Variants in MYOM2 observed in about 807,000 individuals in gnomAD.
MYOM2 encodes the protein myomesin-2.
In MYOM2, 254 loss-of-function variants were observed where a neutral mutation model predicts 187.6. The observed-to-expected ratio is 1.35, with a 90% CI of 1.22 to 1.50. MYOM2 has a LOEUF of 1.50. Among genes scored for constraint, MYOM2 ranks in the 40% most tolerant of loss-of-function variants. MYOM2 has a pLI of 0.00. For synonymous variants in MYOM2, 981 were observed against 753.8 expected (o/e 1.30, Z -4.94); for missense variants, 2,796 against 1,924.0 (o/e 1.45, Z -8.48).
At chr8:2,072,569 C>T in intron 9 of MYOM2, 60 bp downstream of exon 9, 5 of 1,548,034 alleles carry the variant, frequency 3.2e-6, no homozygotes, top group Non-Finnish European at 4.4e-6. Context: ...CGGAAATGTC[C>T]TTTAAATGTG....
intron 32 of MYOM2, among the ~76,000 whole-genome samples, chr8:2,130,644 A>G (rs923798632): frequency 3.3e-5 from 5 of 152,352 alleles, no homozygotes; most frequent in East Asian, 1.9e-4. Flanking sequence ...GAGTCAGTAC[A>G]TCTGTGCTTG....
intron 32 of MYOM2, among the ~76,000 whole-genome samples, chr8:2,134,941 C>T (rs1251643212): frequency 6.6e-6 from 1 of 152,158 alleles, no homozygotes; most frequent in Non-Finnish European, 1.5e-5. Flanking sequence ...GCGGGTCTTA[C>T]ATGCTCTGGA....
At chr8:2,089,977 C>T (rs753218642) in intron 14 of MYOM2, 31 bp from the exon 15 acceptor site, 2 of 1,609,654 alleles carry the variant, frequency 1.2e-6, no homozygotes. Flanking sequence ...GCGGTTTTCA[C>T]TGCCAGTCTC....
At chr8:2,089,482 C>T (rs1387856870) in intron 14 of MYOM2, among the ~76,000 whole-genome samples, 2 of 152,140 alleles carry the variant, frequency 1.3e-5, no homozygotes, top group African/African-American at 4.8e-5. Context: ...GACTAAAGAT[C>T]TTTATACAAT....
At chr8:2,107,042 G>C (rs926832886) in intron 23 of MYOM2, among the ~76,000 whole-genome samples, 3 of 152,202 alleles carry the variant, frequency 2.0e-5, no homozygotes, top group African/African-American at 7.2e-5. Context: ...ATCTGCTGCT[G>C]TGTTACCCAT....
At chr8:2,136,691 G>C (rs73657772) in intron 32 of MYOM2, among the ~76,000 whole-genome samples, 19,428 of 152,132 alleles carry the variant, frequency 0.13, 2,145 homozygotes, top group African/African-American at 0.28. Context: ...AAAGTCAGGA[G>C]GCCGGTGGGA....
At chr8:2,126,847 G>A (rs34651869) in intron 31 of MYOM2, among the ~76,000 whole-genome samples, 34,544 of 108,138 alleles carry the variant, frequency 0.32, 7,846 homozygotes, top group Non-Finnish European at 0.4. Flanking sequence ...GAGGTTGATA[G>A]AGGCTGGAGG....
chr8:2,061,713 G>A (rs1012341574), intron 6 of MYOM2, among the ~76,000 whole-genome samples: 1 of 152,220 alleles, frequency 6.6e-6, no homozygotes, highest in Non-Finnish European at 1.5e-5. Flanking sequence ...AGAGTTGGGT[G>A]TTGAAAGGCA....
intron 6 of MYOM2, among the ~76,000 whole-genome samples, chr8:2,066,853 C>G (rs1819035676): frequency 1.3e-5 from 2 of 152,202 alleles, no homozygotes; most frequent in African/African-American, 4.8e-5. Flanking sequence ...CTGTGGTGAT[C>G]TGGAAATAGG....
chr8:2,067,128 G>A (rs905998791), intron 6 of MYOM2, among the ~76,000 whole-genome samples: 11 of 152,134 alleles, frequency 7.2e-5, no homozygotes, highest in South Asian at 2.1e-4. Flanking sequence ...TCTCGGACAC[G>A]TTCTTTCCCT....
chr8:2,136,523 G>T (rs1020573813), intron 32 of MYOM2, among the ~76,000 whole-genome samples: 1 of 152,216 alleles, frequency 6.6e-6, no homozygotes, highest in African/African-American at 2.4e-5. Context: ...CTGTTGTAAA[G>T]AATCTCTCGC....
chr8:2,090,391 C>T (rs947968847), intron 15 of MYOM2, among the ~76,000 whole-genome samples, 200 bp downstream of exon 15: 27 of 152,224 alleles, frequency 1.8e-4, no homozygotes, highest in Non-Finnish European at 3.4e-4. Context: ...AAAGCTCCAT[C>T]TTCTTTTCAT....
At chr8:2,136,061 C>G (rs1289350656) in intron 32 of MYOM2, among the ~76,000 whole-genome samples, 1 of 152,216 alleles carries the variant, frequency 6.6e-6, no homozygotes, top group Non-Finnish European at 1.5e-5. Context: ...TGTCCATGTT[C>G]TGTGAGTGGC....
At chr8:2,089,359 C>T (rs78663227) in intron 14 of MYOM2, among the ~76,000 whole-genome samples, 7 of 152,190 alleles carry the variant, frequency 4.6e-5, no homozygotes, top group East Asian at 1.9e-4. Flanking sequence ...GCCACATTAA[C>T]GTGTGGTACA....
rs146863210 is a variant in MYOM2, at chr8:2,143,729, T to C, written c.4080+273T>C. Among the ~76,000 whole-genome samples, 715 of 152,314 alleles carry C rather than the reference T, an allele frequency of 4.7e-3. 14 individuals carry two copies. The highest frequency in any genetic ancestry group is 0.045 in the East Asian group (231 of 5,180). The stretch of plus-strand genomic sequence containing the variant: ...TGCCACTCAGGCACCTCAAGGCAAG[T>C]GCTGTGGCTTTGGGTGTTTCTATGC... On this transcript the variant is annotated intron_variant, in intron 36 of 36. Coordinates refer to ENST00000262113, the MANE Select transcript of MYOM2 (RefSeq NM_003970.4).
At chr8:2,112,959 T>C (rs577710209) in intron 25 of MYOM2, among the ~76,000 whole-genome samples, 173 of 152,314 alleles carry the variant, frequency 1.1e-3, no homozygotes, top group Non-Finnish European at 1.1e-3. Context: ...TATTAGTTTT[T>C]TGTTTTGCTC....
chr8:2,120,680 T>TATATATATATATATTTATAATA, intron 28 of MYOM2, among the ~76,000 whole-genome samples: 1 of 48,300 alleles, frequency 2.1e-5, no homozygotes, highest in Non-Finnish European at 4.1e-5. Flanking sequence ...ATATATTATA[T>TATATATATATATATTTATAATA]TATATATAAA....
intron 8 of MYOM2, among the ~76,000 whole-genome samples, chr8:2,070,816 T>G (rs1819188395): frequency 6.6e-6 from 1 of 152,238 alleles, no homozygotes; most frequent in Non-Finnish European, 1.5e-5. Flanking sequence ...TAACACAATG[T>G]TAACCATTGT....
intron 20 of MYOM2, among the ~76,000 whole-genome samples, chr8:2,101,373 A>G (rs370882228): frequency 6.6e-6 from 1 of 152,160 alleles, no homozygotes; most frequent in Non-Finnish European, 1.5e-5. Flanking sequence ...CACACACACA[A>G]AAATAAAACA....
Sources: gnomAD v4.1 joint callset for allele counts (sites outside exome capture counted in the v4.1 genomes callset) on GRCh38, gnomAD v4.1.1 for gene constraint, MANE v1.5 for transcripts, NCBI Gene and HGNC (gene_info 2026-07-23, HGNC 2026-07-21) for gene names.